RAD54B: variants seen among roughly 807,000 people sequenced by gnomAD.
RAD54B encodes the protein DNA repair and recombination protein RAD54B.
Under a neutral mutation model 95.8 loss-of-function variants are expected in RAD54B, and 78 were observed. The observed-to-expected ratio is 0.81, with a 90% CI of 0.68 to 0.98. RAD54B has a LOEUF of 0.98. Ranked by LOEUF, RAD54B falls within the 50% of genes least tolerant of loss-of-function variation. The pLI is 0.00. For missense variants in RAD54B, 957 were observed against 1,056.6 expected (o/e 0.91, Z 1.31); for synonymous variants, 328 against 354.9 (o/e 0.92, Z 0.85).
chr8:94,387,256 A>G, intron 10 of RAD54B, 97 bp from the exon 11 acceptor site: 1 of 1,017,230 alleles, frequency 9.8e-7, no homozygotes, highest in African/African-American at 1.6e-5. Flanking sequence ...GTGAAGATTA[A>G]CGGCTATCTG....
chr8:94,434,444 G>A (rs775609489), intron 3 of RAD54B, among the ~76,000 whole-genome samples: 5 of 151,834 alleles, frequency 3.3e-5, no homozygotes, highest in Non-Finnish European at 5.9e-5. Flanking sequence ...AATATAAACT[G>A]ATATTAGGAA....
chr8:94,372,332 G>A lies in RAD54B; in HGVS notation c.2571C>T (p.His857=), dbSNP rs751265648. 2 of 1,613,666 alleles carry A rather than the reference G, an allele frequency of 1.2e-6. No individual in the cohort carries two copies. Among genetic ancestry groups the A allele is most frequent in the Non-Finnish European group, 1.7e-6 (2 of 1,179,888 alleles). The change falls in exon 15 of 15, where the codon CAC becomes CAT. Residue 857 remains histidine (H), a synonymous_variant. Coordinates refer to ENST00000336148, the MANE Select transcript of RAD54B (RefSeq NM_012415.3). ...GAGGTTTCAGGGAGTTAGATTTCTGGTGATGTGGACCAAGCTGACAATCTC... is the reference window on the plus strand; with the variant it reads ...GAGGTTTCAGGGAGTTAGATTTCTGATGATGTGGACCAAGCTGACAATCTC... ...VSRDCQLGPH[H]QKSNSLKPLS...
intron 5 of RAD54B, among the ~76,000 whole-genome samples, chr8:94,407,029 T>A (rs1182068972): frequency 6.6e-6 from 1 of 152,158 alleles, no homozygotes; most frequent in Non-Finnish European, 1.5e-5. Context: ...ATTCAATATT[T>A]TTACACACTA....
At chr8:94,387,465 A>C (rs1810915332) in intron 10 of RAD54B, 1 of 205,344 alleles carries the variant, frequency 4.9e-6, no homozygotes, top group African/African-American at 2.3e-5. Context: ...GAAAGGAGAG[A>C]GAAATAAAGG....
intron 14 of RAD54B, among the ~76,000 whole-genome samples, chr8:94,376,712 GATTATATTT>G (rs1810581518): frequency 6.7e-6 from 1 of 148,294 alleles, no homozygotes; most frequent in Non-Finnish European, 1.5e-5. Flanking sequence ...TATTGTGCAT[GATTATATTT>G]ATTATATTTA....
chr8:94,420,922 T>C (rs1300595456), intron 3 of RAD54B, among the ~76,000 whole-genome samples: 7 of 150,334 alleles, frequency 4.7e-5, no homozygotes, highest in Admixed American at 1.3e-4. Context: ...GAGGTGGAGG[T>C]TGCAGTGAGC....
chr8:94,397,696 G>A (rs1258296445), intron 8 of RAD54B, among the ~76,000 whole-genome samples: 1 of 151,940 alleles, frequency 6.6e-6, no homozygotes, highest in Non-Finnish European at 1.5e-5. Flanking sequence ...CTTATCTTCA[G>A]TACTTTTCAG....
At position 94,387,031 on chromosome 8, in the gene RAD54B, CACCTGTAGTTTTCCTG is replaced by C; in HGVS notation, c.1922_1937del (p.Ser641CysfsTer6). The C allele has an allele frequency of 6.2e-7, 1 of 1,612,292 alleles. No individual in the cohort carries two copies. ...GGATAACCGCTAAGAGCTTGGACAA[CACCTGTAGTTTTCCTG>C]ACTCCTTTTCAGTAAACAGGAGAGG... On this transcript the variant is annotated frameshift_variant, in exon 11 of 15. Coordinates refer to ENST00000336148, the MANE Select transcript of RAD54B (RefSeq NM_012415.3). LOFTEE classifies it high-confidence loss of function.
chr8:94,375,815 C>T (rs936477391), intron 14 of RAD54B, among the ~76,000 whole-genome samples: 2 of 151,798 alleles, frequency 1.3e-5, no homozygotes, highest in Non-Finnish European at 2.9e-5. Context: ...TCTAGAGTGG[C>T]TTATATATGC....
rs552071659 is a variant in RAD54B at position 94,374,226 on chromosome 8, C to T, written c.2516-1839G>A. ...CCCGGGAGGCGGAGCTGGCAGTGAG[C>T]CGAGATAGCGCCACTGCACACTAGC... On this transcript the variant is annotated intron_variant, in intron 14 of 14. Transcript: ENST00000336148. Among the ~76,000 whole-genome samples the T allele has an allele frequency of 1.1e-4, 17 of 151,884 alleles. No homozygotes were observed. In the East Asian group the frequency reaches 3.3e-3, roughly 30 times the overall value.
At chr8:94,404,045 G>T in intron 6 of RAD54B, 32 bp downstream of exon 6, 1 of 1,499,878 alleles carries the variant, frequency 6.7e-7, no homozygotes, top group Non-Finnish European at 9.1e-7. Flanking sequence ...TCAAAATTCA[G>T]ATTAGATTAA....
chr8:94,418,215 T>C (rs1811721064), intron 3 of RAD54B, among the ~76,000 whole-genome samples: 1 of 152,236 alleles, frequency 6.6e-6, no homozygotes, highest in Non-Finnish European at 1.5e-5. Flanking sequence ...TACTGGACTT[T>C]TTTTTTAAGC....
chr8:94,391,756 T>C lies in RAD54B; in HGVS notation c.1662A>G (p.Leu554=), dbSNP rs766616434. The C allele has an allele frequency of 6.2e-7, 1 of 1,614,060 alleles. No individual in the cohort carries two copies. Among genetic ancestry groups the C allele is most frequent in the Non-Finnish European group, 8.5e-7 (1 of 1,180,002 alleles). Residue 554 remains leucine (L), a synonymous_variant, in exon 10 of 15, where the codon CTA becomes CTG. Coordinates refer to ENST00000336148, the MANE Select transcript of RAD54B (RefSeq NM_012415.3). ...ACAGCTTTCGATAAAGCTCAATCTG[T>C]AGTGCTCCTGGTCGGCAAAAGACAA... ...ENVVFCRPGA[L]QIELYRKLLN...
At chr8:94,420,918 G>A (rs1811791243) in intron 3 of RAD54B, among the ~76,000 whole-genome samples, 1 of 151,284 alleles carries the variant, frequency 6.6e-6, no homozygotes, top group South Asian at 2.1e-4. Context: ...CCTGGAGGTG[G>A]AGGTTGCAGT....
At chr8:94,468,996 G>C (rs1282063793) in intron 1 of RAD54B, among the ~76,000 whole-genome samples, 1 of 150,996 alleles carries the variant, frequency 6.6e-6, no homozygotes, top group Non-Finnish European at 1.5e-5. Context: ...GAATAAGCCT[G>C]AGAAAACAGG....
chr8:94,411,373 G>A, intron 3 of RAD54B, 58 bp from the exon 4 acceptor site: 4 of 1,380,804 alleles, frequency 2.9e-6, no homozygotes, highest in African/African-American at 1.5e-5. Context: ...TAAGTAGTAA[G>A]GTCATTCAAA....
chr8:94,456,774 A>T (rs1332360700), intron 3 of RAD54B, among the ~76,000 whole-genome samples: 3 of 152,090 alleles, frequency 2.0e-5, no homozygotes, highest in African/African-American at 7.2e-5. Flanking sequence ...TCTCATCTCT[A>T]TGCTTTTCTA....
Position 94,372,207 on chromosome 8 carries a change from A to G in RAD54B, c.2696T>C (p.Ile899Thr). ...AGCTTGAGTGGTTATATTCTGAAAA[A>G]TGAATGACACATTTTCTGTTATTCT... ...LERITENVSF[I>T]FQNITTQATG... The change falls in exon 15 of 15, where the codon ATT (isoleucine) becomes ACT (threonine). Residue 899 changes from isoleucine (I) to threonine (T), a missense_variant. Ile to Thr is a moderately conservative substitution (Grantham distance 89). Coordinates refer to ENST00000336148, the MANE Select transcript of RAD54B (RefSeq NM_012415.3). 9 of 1,611,414 alleles carry G rather than the reference A, an allele frequency of 5.6e-6. No homozygotes were observed. The highest frequency in any genetic ancestry group is 7.6e-6 in the Non-Finnish European group (9 of 1,179,198).
intron 1 of RAD54B, among the ~76,000 whole-genome samples, chr8:94,470,925 A>G (rs1813155503): frequency 6.6e-6 from 1 of 152,198 alleles, no homozygotes; most frequent in African/African-American, 2.4e-5. Context: ...CTATTCCCCA[A>G]GCTAGCCATG....
Sources: allele counts gnomAD v4.1 joint callset (sites outside exome capture counted in the v4.1 genomes callset), GRCh38; gene constraint gnomAD v4.1.1; transcripts MANE v1.5; gene names NCBI Gene and HGNC (gene_info 2026-07-23, HGNC 2026-07-21).